Variants in PARD3 observed in about 807,000 individuals in gnomAD.
The protein encoded by PARD3 is partitioning defective 3 homolog.
PARD3 carries 75 observed loss-of-function variants against 155.4 expected under a neutral mutation model. The ratio of observed to expected loss-of-function variants is 0.48; its 90% CI spans 0.40 to 0.58. The LOEUF (loss-of-function observed/expected upper bound fraction) is 0.58, where lower values mean the gene tolerates loss of function less well. Among genes scored for constraint, PARD3 ranks in the 20% least tolerant of loss-of-function variants. PARD3 has a pLI of 0.00. For missense variants in PARD3, 1,642 were observed against 1,721.7 expected (o/e 0.95, Z 0.82); for synonymous variants, 576 against 610.5 (o/e 0.94, Z 0.83).
chr10:34,272,782 A>G (rs777629672), intron 21 of PARD3, among the ~76,000 whole-genome samples: 2 of 152,192 alleles, frequency 1.3e-5, no homozygotes, highest in Non-Finnish European at 2.9e-5. Flanking sequence ...AACCTCAACA[A>G]TGAGAAAACA....
At chr10:34,206,619 T>C (rs1951492322) in intron 22 of PARD3, among the ~76,000 whole-genome samples, 1 of 152,198 alleles carries the variant, frequency 6.6e-6, no homozygotes, top group Admixed American at 6.5e-5. Flanking sequence ...CCCTGGGCAG[T>C]GGGTGGAGAG....
intron 3 of PARD3, among the ~76,000 whole-genome samples, chr10:34,510,735 C>G (rs1257333106): frequency 6.6e-6 from 1 of 151,808 alleles, no homozygotes; most frequent in Non-Finnish European, 1.5e-5. Context: ...TTTGAACCAA[C>G]ATATAGAAGT....
chr10:34,161,072 T>A (rs550347604), intron 22 of PARD3, among the ~76,000 whole-genome samples: 1 of 151,976 alleles, frequency 6.6e-6, no homozygotes, highest in Admixed American at 6.6e-5. Flanking sequence ...TGAGACCTCA[T>A]CTCTACATAA....
chr10:34,783,015 A>G (rs574993754), intron 1 of PARD3, among the ~76,000 whole-genome samples: 1 of 152,098 alleles, frequency 6.6e-6, no homozygotes, highest in South Asian at 2.1e-4. Flanking sequence ...GTGAGCCACC[A>G]TGCCTGGCCA....
chr10:34,295,087 C>CA (rs138979105), intron 20 of PARD3, among the ~76,000 whole-genome samples: 2,476 of 151,678 alleles, frequency 0.016, 58 homozygotes, highest in African/African-American at 0.057. Context: ...GGCGAGCCAC[C>CA]AAAAAAAATG....
Position 34,755,926 on chromosome 10 carries a change from C to T in PARD3, c.120+58950G>A, listed in dbSNP as rs915821992. Among the ~76,000 whole-genome samples the T allele has an allele frequency of 2.0e-5, 3 of 152,104 alleles. No homozygotes were observed. In the South Asian group the frequency reaches 6.2e-4, roughly 31 times the overall value. ...CATATCTGAGAATTGTACCTACTGGCCCCACTTGCTCTAGTTCTGGGGACT... is the reference window on the plus strand; with the variant it reads ...CATATCTGAGAATTGTACCTACTGGTCCCACTTGCTCTAGTTCTGGGGACT... On this transcript the variant is annotated intron_variant, in intron 1 of 24. Transcript: ENST00000374788.
chr10:34,578,177 G>A (rs2087063441), intron 2 of PARD3, among the ~76,000 whole-genome samples: 1 of 151,848 alleles, frequency 6.6e-6, no homozygotes, highest in African/African-American at 2.4e-5. Flanking sequence ...TTTTAAAAAT[G>A]TGATACCTCC....
intron 20 of PARD3, among the ~76,000 whole-genome samples, chr10:34,308,138 A>G (rs547708564): frequency 6.6e-6 from 1 of 152,162 alleles, no homozygotes; most frequent in Non-Finnish European, 1.5e-5. Flanking sequence ...TACTGAAGGA[A>G]AGAGCGGTAG....
intron 22 of PARD3, among the ~76,000 whole-genome samples, chr10:34,216,153 C>T (rs774698090): frequency 4.6e-5 from 7 of 152,232 alleles, no homozygotes; most frequent in Non-Finnish European, 7.4e-5. Flanking sequence ...TCTAAGATGG[C>T]GCCACAACAT....
At chr10:34,113,649 C>A (rs1588799757) in intron 24 of PARD3, among the ~76,000 whole-genome samples, 1 of 151,906 alleles carries the variant, frequency 6.6e-6, no homozygotes, top group Non-Finnish European at 1.5e-5. Context: ...AGGAAACAGA[C>A]AATAAGAGTT....
At position 34,803,752 on chromosome 10, in the gene PARD3, G is replaced by C. The variant is rs533473538; in HGVS notation, c.120+11124C>G. ...CAGGAGGTGGAGGTCGCAGTGAGCC[G>C]AGATCGCGCCATTGCACTCCAGCCT... On this transcript the variant is annotated intron_variant, in intron 1 of 24. Transcript: ENST00000374788. Among the ~76,000 whole-genome samples, 4 of 152,082 alleles carry C rather than the reference G, an allele frequency of 2.6e-5. 1 individual carries two copies. The South Asian group carries it at 8.3e-4, about 32-fold the overall frequency.
intron 3 of PARD3, among the ~76,000 whole-genome samples, chr10:34,492,739 C>T (rs1029777809): frequency 2.0e-5 from 3 of 152,204 alleles, no homozygotes; most frequent in African/African-American, 7.2e-5. Context: ...CCTTAATCTA[C>T]ACTTTCACAC....
intron 1 of PARD3, among the ~76,000 whole-genome samples, chr10:34,716,587 T>C (rs1231954724): frequency 1.1e-4 from 4 of 34,818 alleles, no homozygotes; most frequent in African/African-American, 7.0e-4. Context: ...TGGCTTTTCT[T>C]TTTTTTTTTT....
chr10:34,631,718 C>G (rs1456249375), intron 2 of PARD3, among the ~76,000 whole-genome samples: 2 of 152,184 alleles, frequency 1.3e-5, no homozygotes, highest in African/African-American at 2.4e-5. Flanking sequence ...ATCCTCCAAC[C>G]TCCTGAGTAG....
intron 22 of PARD3, among the ~76,000 whole-genome samples, chr10:34,197,878 C>T (rs1261607967): frequency 1.1e-4 from 17 of 152,184 alleles, no homozygotes; most frequent in South Asian, 4.1e-4. Context: ...TACAGGCGCA[C>T]GCCACCACGC....
At chr10:34,442,728 A>C (rs1413982200) in intron 5 of PARD3, among the ~76,000 whole-genome samples, 1 of 152,292 alleles carries the variant, frequency 6.6e-6, no homozygotes, top group Middle Eastern at 3.4e-3. Flanking sequence ...TTAATTAGCC[A>C]GGAGTGATGG....
chr10:34,360,174 G>A lies in PARD3; in HGVS notation c.1793C>T (p.Ser598Phe), dbSNP rs1839307787. 3.7e-6 allele frequency: 6 copies of A among 1,613,856 alleles called. No homozygotes were observed. The highest frequency in any genetic ancestry group is 5.1e-6 in the Non-Finnish European group (6 of 1,179,702). The change falls in exon 13 of 25, where the codon TCT (serine) becomes TTT (phenylalanine). Residue 598 changes from serine (S) to phenylalanine (F), a missense_variant. Physicochemically the swap from Ser to Phe is radical, Grantham distance 155 (BLOSUM62 -2). Around this residue, in one of 3 missense-constraint regions of PARD3, gnomAD observed 1,529 missense variants for 1,587.3 expected, o/e 0.96. Coordinates refer to ENST00000374788, the MANE Select transcript of PARD3 (RefSeq NM_001184785.2). Reference protein sequence around the residue: ...TFEVPLNDSGSAGLGVSVKGN... With the variant: ...TFEVPLNDSGFAGLGVSVKGN... ...TTTGACACTGACACCAAGGCCTGCAGATCCTGAATCATTAAGTGGGACTTC... is the reference window on the plus strand; with the variant it reads ...TTTGACACTGACACCAAGGCCTGCAAATCCTGAATCATTAAGTGGGACTTC...
At chr10:34,530,166 A>G (rs966059473) in intron 2 of PARD3, among the ~76,000 whole-genome samples, 2 of 152,126 alleles carry the variant, frequency 1.3e-5, no homozygotes, top group Non-Finnish European at 2.9e-5. Flanking sequence ...AGAAGTGGAG[A>G]AGGTGGAAAG....
intron 2 of PARD3, among the ~76,000 whole-genome samples, chr10:34,645,202 ATTTAT>A (rs951428763): frequency 6.0e-5 from 8 of 133,612 alleles, no homozygotes; most frequent in African/African-American, 1.2e-4. Flanking sequence ...TTTTATTTTG[ATTTAT>A]TTTATTTTAT....
Sources: gnomAD v4.1 joint callset for allele counts (sites outside exome capture counted in the v4.1 genomes callset) on GRCh38, gnomAD v4.1.1 for gene constraint, gnomAD v4.1.1 regional missense constraint, MANE v1.5 for transcripts, NCBI Gene and HGNC (gene_info 2026-07-23, HGNC 2026-07-21) for gene names.